Variants in KIF14 observed in about 807,000 individuals in gnomAD.
KIF14 encodes kinesin-like protein KIF14.
In KIF14, 98 loss-of-function variants were observed where a neutral mutation model predicts 176.2. That is an observed-to-expected ratio of 0.56 (90% CI 0.47 to 0.66). The LOEUF (loss-of-function observed/expected upper bound fraction) is 0.66. Among genes scored for constraint, KIF14 ranks in the 30% least tolerant of loss-of-function variants. KIF14 has a pLI of 0.00. For missense variants in KIF14, 1,751 were observed against 1,920.4 expected (o/e 0.91, Z 1.65); for synonymous variants, 566 against 632.2 (o/e 0.90, Z 1.57).
chr1:200,581,115 GA>G (rs368717102), intron 20 of KIF14, 85 bp downstream of exon 20: 7,352 of 290,120 alleles, frequency 0.025, 1 homozygote, highest in East Asian at 0.037. Context: ...CTCTGTCTCA[GA>G]AAAAAAAAAA....
chr1:200,596,608 A>G (rs964641477), intron 14 of KIF14, among the ~76,000 whole-genome samples: 1 of 122,722 alleles, frequency 8.1e-6, no homozygotes, highest in Admixed American at 1.1e-4. Flanking sequence ...TCTATTGCCT[A>G]GGGTGGAGTA....
intron 9 of KIF14, 119 bp downstream of exon 9, chr1:200,603,720 T>A: frequency 1.5e-6 from 1 of 654,204 alleles, no homozygotes; most frequent in Admixed American, 2.5e-5. Context: ...AGCAATGCAG[T>A]CTATAAACTG....
intron 21 of KIF14, among the ~76,000 whole-genome samples, chr1:200,576,711 G>A (rs1658134838): frequency 6.6e-6 from 1 of 152,072 alleles, no homozygotes; most frequent in African/African-American, 2.4e-5. Flanking sequence ...CATAAACATT[G>A]TCAATGCTTT....
Position 200,552,182 on chromosome 1 carries a change from T to C in KIF14, c.*1206A>G, listed in dbSNP as rs1432359474. ...TTTTTTTTTCTTCTTTTTTTTTAAATGAATTATTCTTTAGGAACTGCTCAA... is the reference window on the plus strand; with the variant it reads ...TTTTTTTTTCTTCTTTTTTTTTAAACGAATTATTCTTTAGGAACTGCTCAA... On this transcript the variant is annotated 3_prime_UTR_variant, in exon 30 of 30. Coordinates refer to ENST00000367350, the MANE Select transcript of KIF14 (RefSeq NM_014875.3). 1 of 152,052 alleles carries C rather than the reference T, an allele frequency of 6.6e-6. No homozygotes were observed. Among genetic ancestry groups the C allele is most frequent in the African/African-American group, 2.4e-5 (1 of 41,420 alleles). The allele number at this position is 152,052 out of a possible 1,614,324, so 9.4% of individuals were successfully genotyped here. A position where few individuals can be genotyped will look rare whatever the true frequency, so the allele number is the denominator to read the frequency against.
chr1:200,580,129 C>A (rs946821309), intron 21 of KIF14, 125 bp downstream of exon 21: 1 of 435,948 alleles, frequency 2.3e-6, no homozygotes, highest in Non-Finnish European at 3.7e-6. Flanking sequence ...CTTTTATTTT[C>A]CAAATTTTCT....
chr1:200,598,811 A>G (rs1235659413), intron 13 of KIF14, among the ~76,000 whole-genome samples: 1 of 152,042 alleles, frequency 6.6e-6, no homozygotes, highest in Non-Finnish European at 1.5e-5. Context: ...CACCCGCCTC[A>G]GCCTCCCAAA....
intron 27 of KIF14, among the ~76,000 whole-genome samples, chr1:200,556,153 T>A (rs1184058445): frequency 6.6e-6 from 1 of 152,180 alleles, no homozygotes; most frequent in African/African-American, 2.4e-5. Flanking sequence ...GGAGCCCACA[T>A]CTAAATTCTA....
chr1:200,556,630 G>A (rs1558041780), intron 27 of KIF14, among the ~76,000 whole-genome samples: 1 of 152,148 alleles, frequency 6.6e-6, no homozygotes, highest in Non-Finnish European at 1.5e-5. Flanking sequence ...GCTAACACCT[G>A]CACCTACTTC....
intron 19 of KIF14, among the ~76,000 whole-genome samples, chr1:200,584,695 A>G (rs534782973): frequency 6.6e-5 from 10 of 152,256 alleles, no homozygotes; most frequent in Non-Finnish European, 1.3e-4. Context: ...ATATAGAAGA[A>G]TGTACCTCAA....
chr1:200,592,259 T>C lies in KIF14; in HGVS notation c.2653-19A>G, dbSNP rs1429085817. ...GATCACCCTAAAGCACACAAAAAAA[T>C]GTACTACTTGAGGTGAGTCTCAACC... On this transcript the variant is annotated intron_variant, in intron 15 of 29. Transcript: ENST00000367350. The C allele has an allele frequency of 6.3e-7, 1 of 1,591,468 alleles. No individual in the cohort carries two copies.
At chr1:200,567,884 G>C (rs1396795633) in intron 23 of KIF14, among the ~76,000 whole-genome samples, 1 of 150,600 alleles carries the variant, frequency 6.6e-6, no homozygotes, top group Non-Finnish European at 1.5e-5. Context: ...AGCTACAGTA[G>C]GGTAACGATG....
chr1:200,591,400 T>C (rs550717414), intron 16 of KIF14, among the ~76,000 whole-genome samples: 2 of 152,350 alleles, frequency 1.3e-5, no homozygotes, highest in Admixed American at 6.5e-5. Context: ...ATTCTCCAGA[T>C]TTGAGTGCCA....
At chr1:200,609,082 G>T (rs1007668113) in intron 4 of KIF14, among the ~76,000 whole-genome samples, 154 bp from the exon 5 acceptor site, 7 of 152,034 alleles carry the variant, frequency 4.6e-5, no homozygotes, top group African/African-American at 1.7e-4. Context: ...AATGCACAAA[G>T]GACTTGAATA....
At position 200,554,495 on chromosome 1, in the gene KIF14, T is replaced by C; in HGVS notation, c.4540A>G (p.Ile1514Val). 2.0e-6 allele frequency: 3 copies of C among 1,535,802 alleles called. No homozygotes were observed. Among genetic ancestry groups the C allele is most frequent in the African/African-American group, 1.4e-5 (1 of 73,014 alleles). Reference sequence around the variant, plus strand: ...TTCAGTGCAGAAATAATAATTTCAATAGCTTTCTCTAAGCAATGTTTTAAC... The same window carrying C: ...TTCAGTGCAGAAATAATAATTTCAACAGCTTTCTCTAAGCAATGTTTTAAC... Reference protein sequence around the residue: ...LKLKHCLEKAIEIIISALKGC... With the variant: ...LKLKHCLEKAVEIIISALKGC... Residue 1514 changes from isoleucine (I) to valine (V), a missense_variant, in exon 29 of 30, where the codon ATT (isoleucine) becomes GTT (valine). Coordinates refer to ENST00000367350, the MANE Select transcript of KIF14 (RefSeq NM_014875.3).
chr1:200,592,195 G>A lies in KIF14; in HGVS notation c.2698C>T (p.His900Tyr), dbSNP rs1055916849. The stretch of plus-strand genomic sequence containing the variant: ...TTTCCTTTCTGGACTTCTACTGGAT[G>A]ATTAAATCTAAAATAATGATCTCCA... ...LGGDHYFRFN[H>Y]PVEVQKGKRP... Residue 900 changes from histidine (H) to tyrosine (Y), a missense_variant, in exon 16 of 30, where the codon CAT becomes TAT. By Grantham distance (83) the His-to-Tyr change is moderately conservative. Transcript: ENST00000367350. 6.2e-7 allele frequency: 1 copy of A among 1,613,456 alleles called. No homozygotes were observed. Among genetic ancestry groups the A allele is most frequent in the Non-Finnish European group, 8.5e-7 (1 of 1,179,782 alleles).
At chr1:200,580,491 T>G in intron 20 of KIF14, 108 bp from the exon 21 acceptor site, 1 of 513,134 alleles carries the variant, frequency 1.9e-6, no homozygotes, top group South Asian at 7.4e-5. Flanking sequence ...ATCCACTGAT[T>G]AAGTCTTTCC....
At chr1:200,604,312 C>T (rs1659769879) in intron 8 of KIF14, among the ~76,000 whole-genome samples, 1 of 152,168 alleles carries the variant, frequency 6.6e-6, no homozygotes, top group African/African-American at 2.4e-5. Context: ...AAGTGATCCT[C>T]CTGCCTCGGC....
Position 200,615,276 on chromosome 1 carries a change from C to T in KIF14, c.1367+79G>A, listed in dbSNP as rs1176511385. On this transcript the variant is annotated intron_variant, in intron 3 of 29. Transcript: ENST00000367350. ...ATCTGTGTGATTTCAAAACTATATT[C>T]TTTCTATCACCCCTATGCCACTTCT... 3 of 1,361,794 alleles carry T rather than the reference C, an allele frequency of 2.2e-6. No individual in the cohort carries two copies. In the East Asian group the frequency reaches 7.0e-5, roughly 32 times the overall value. The allele number at this position is 1,361,794 out of a possible 1,614,324, so 84.4% of individuals were successfully genotyped here.
intron 16 of KIF14, among the ~76,000 whole-genome samples, chr1:200,591,388 G>A (rs6660241): frequency 0.56 from 85,793 of 151,942 alleles, 24,924 homozygotes; most frequent in East Asian, 0.69. Flanking sequence ...TATCTCTAAT[G>A]CATTCTCCAG....
Sources: allele counts gnomAD v4.1 joint callset (sites outside exome capture counted in the v4.1 genomes callset), GRCh38; gene constraint gnomAD v4.1.1; transcripts MANE v1.5; gene names NCBI Gene and HGNC (gene_info 2026-07-23, HGNC 2026-07-21).